Variants in WBP4 observed in about 807,000 individuals in gnomAD.
WBP4 encodes the protein WW domain binding protein 4, also known as WW domain-binding protein 4.
A neutral mutation model predicts 55.4 loss-of-function variants in WBP4; 37 were observed. That is an observed-to-expected ratio of 0.67 (90% CI 0.51 to 0.88). The LOEUF is 0.88. Among genes scored for constraint, WBP4 ranks in the 40% least tolerant of loss-of-function variants. The pLI is 0.00. For synonymous variants in WBP4, 142 were observed against 140.2 expected (o/e 1.01, Z -0.09); for missense variants, 398 against 420.8 (o/e 0.95, Z 0.47).
chr13:41,064,907 C>T, intron 2 of WBP4, 109 bp from the exon 3 acceptor site: 1 of 1,003,510 alleles, frequency 1.0e-6, no homozygotes, highest in South Asian at 1.9e-5. Context: ...TCTTTTCTGC[C>T]ATTCATTTTA....
In WBP4 at chr13:41,083,023, T is replaced by A; in HGVS notation, c.*109T>A. ...TTATGATGCTAAAAATTTAGATTTA[T>A]TCTAAATGTATTTGATGTGAATTAA... On this transcript the variant is annotated 3_prime_UTR_variant, in exon 10 of 10. Transcript: ENST00000379487. The A allele has an allele frequency of 8.8e-6, 9 of 1,020,540 alleles. No individual in the cohort carries two copies. The highest frequency in any genetic ancestry group is 9.9e-6 in the Non-Finnish European group (7 of 708,136). The allele number at this position is 1,020,540 out of a possible 1,614,324, so 63.2% of individuals were successfully genotyped here.
intron 2 of WBP4, 145 bp downstream of exon 2, chr13:41,062,861 C>G: frequency 1.7e-6 from 1 of 594,806 alleles, no homozygotes; most frequent in Non-Finnish European, 2.8e-6. Context: ...TCTTCTCAGT[C>G]CCCTATGAAA....
intron 9 of WBP4, 84 bp downstream of exon 9, chr13:41,080,893 A>C (rs1268156802): frequency 7.2e-7 from 1 of 1,384,090 alleles, no homozygotes; most frequent in Non-Finnish European, 1.0e-6. Context: ...AAGTAATTTC[A>C]AGGATGCTGT....
In WBP4 at chr13:41,074,523, A is replaced by G. The variant is rs564533193; in HGVS notation, c.563-1521A>G. Among the ~76,000 whole-genome samples the G allele has an allele frequency of 4.6e-5, 7 of 152,340 alleles. No homozygotes were observed. The South Asian group carries it at 6.2e-4, about 14-fold the overall frequency. The stretch of plus-strand genomic sequence containing the variant: ...AGTGATATAATATAGCTTTAGAGTT[A>G]GACAGATCTGAGTTCAATGCACAGC... On this transcript the variant is annotated intron_variant, in intron 7 of 9. Transcript: ENST00000379487.
chr13:41,083,370 T>C lies in WBP4; in HGVS notation c.*456T>C. 6.2e-6 allele frequency: 1 copy of C among 162,328 alleles called. No individual in the cohort carries two copies. Among genetic ancestry groups the C allele is most frequent in the South Asian group, 1.6e-4 (1 of 6,122 alleles). 10.1% of individuals were successfully genotyped at this position (162,328 alleles called of 1,614,324 possible). The stretch of plus-strand genomic sequence containing the variant: ...GGTTCTGAGGCTGATGTGAGAAAGC[T>C]GATGTAAAAAATGTATGCATATTGG... On this transcript the variant is annotated 3_prime_UTR_variant, in exon 10 of 10. Coordinates refer to ENST00000379487, the MANE Select transcript of WBP4 (RefSeq NM_007187.5).
At chr13:41,082,552 A>T in intron 9 of WBP4, 152 bp from the exon 10 acceptor site, 1 of 636,860 alleles carries the variant, frequency 1.6e-6, no homozygotes. Flanking sequence ...TCAGTATCTT[A>T]AATAATATTG....
intron 7 of WBP4, 121 bp from the exon 8 acceptor site, chr13:41,075,923 A>C (rs1310485746): frequency 8.5e-6 from 9 of 1,053,826 alleles, no homozygotes; most frequent in Non-Finnish European, 1.2e-5. Context: ...CTTGATCAAG[A>C]GATAGTATGA....
Position 41,079,139 on chromosome 13 carries a change from C to T in WBP4, c.757-1507C>T, listed in dbSNP as rs1286385680. ...ACTCCATTGAAAAGGGGGAAAAGGA[C>T]ATGAACAGGCATTTTTCAAAAGACA... On this transcript the variant is annotated intron_variant, in intron 8 of 9. Transcript: ENST00000379487. 3.9e-5 allele frequency among the ~76,000 whole-genome samples: 6 copies of T among 152,164 alleles called. No individual in the cohort carries two copies. The East Asian group carries it at 1.2e-3, about 29-fold the overall frequency.
intron 8 of WBP4, among the ~76,000 whole-genome samples, chr13:41,078,215 G>T (rs1348319147): frequency 2.0e-5 from 3 of 152,132 alleles, no homozygotes; most frequent in Non-Finnish European, 2.9e-5. Flanking sequence ...CAAAGGTGGA[G>T]GCATCCCATT....
chr13:41,067,445 C>T (rs1308540155), intron 4 of WBP4, among the ~76,000 whole-genome samples: 1 of 152,034 alleles, frequency 6.6e-6, no homozygotes, highest in Non-Finnish European at 1.5e-5. Context: ...GTTTAGGAGG[C>T]CGGAGTGGGA....
chr13:41,073,029 G>T (rs779897525), intron 7 of WBP4, among the ~76,000 whole-genome samples, 172 bp downstream of exon 7: 8 of 152,090 alleles, frequency 5.3e-5, no homozygotes, highest in Non-Finnish European at 1.0e-4. Flanking sequence ...AAAGCAAAAA[G>T]ATTTATATTC....
chr13:41,074,012 G>A (rs1653379351), intron 7 of WBP4, among the ~76,000 whole-genome samples: 1 of 151,400 alleles, frequency 6.6e-6, no homozygotes, highest in Non-Finnish European at 1.5e-5. Context: ...CTCACTGCAG[G>A]CTCTGCCCCC....
At chr13:41,071,594 G>A (rs753021519) in intron 6 of WBP4, 21 bp downstream of exon 6, 11 of 1,594,278 alleles carry the variant, frequency 6.9e-6, no homozygotes, top group Non-Finnish European at 9.4e-6. Flanking sequence ...CATATTAATA[G>A]TGTTTTTGTT....
At chr13:41,081,385 C>T (rs893549840) in intron 9 of WBP4, among the ~76,000 whole-genome samples, 8 of 150,698 alleles carry the variant, frequency 5.3e-5, no homozygotes, top group Non-Finnish European at 1.2e-4. Context: ...ATGTTCCCAG[C>T]TACTTGAGAG....
chr13:41,062,213 G>A lies in WBP4; in HGVS notation c.3-431G>A, dbSNP rs537070458. On this transcript the variant is annotated intron_variant, in intron 1 of 9. Coordinates refer to ENST00000379487, the MANE Select transcript of WBP4 (RefSeq NM_007187.5). ...TTTGTTTTAACTGAGAGTCTGGGAG[G>A]AACTACAGTTTTCCCCAGAGTAGTC... The A allele has an allele frequency of 1.3e-4, 127 of 983,752 alleles. No homozygotes were observed. The African/African-American group carries it at 2.2e-3, about 17-fold the overall frequency. The allele number at this position is 983,752 out of a possible 1,614,324, so 60.9% of individuals were successfully genotyped here.
At chr13:41,077,040 C>T (rs1295823969) in intron 8 of WBP4, among the ~76,000 whole-genome samples, 1 of 152,110 alleles carries the variant, frequency 6.6e-6, no homozygotes, top group African/African-American at 2.4e-5. Flanking sequence ...AGGCCAATAA[C>T]CCTGCTGAAC....
At chr13:41,067,847 C>T (rs1182160392) in intron 4 of WBP4, among the ~76,000 whole-genome samples, 1 of 151,504 alleles carries the variant, frequency 6.6e-6, no homozygotes, top group Non-Finnish European at 1.5e-5. Flanking sequence ...TTATTTTTGT[C>T]ATACAGAATA....
At chr13:41,063,688 G>A (rs1426407683) in intron 2 of WBP4, among the ~76,000 whole-genome samples, 5 of 151,952 alleles carry the variant, frequency 3.3e-5, no homozygotes, top group African/African-American at 1.2e-4. Flanking sequence ...ATCTTCTTGA[G>A]TTGGTAATAC....
At chr13:41,072,387 T>C (rs2138472132) in intron 6 of WBP4, among the ~76,000 whole-genome samples, 1 of 152,356 alleles carries the variant, frequency 6.6e-6, no homozygotes, top group East Asian at 1.9e-4. Flanking sequence ...CATGGTGGCA[T>C]GAGCTTCTGG....
Sources: gnomAD v4.1 joint callset for allele counts (sites outside exome capture counted in the v4.1 genomes callset) on GRCh38, gnomAD v4.1.1 for gene constraint, MANE v1.5 for transcripts, NCBI Gene and HGNC (gene_info 2026-07-23, HGNC 2026-07-21) for gene names.